Variants in GABRB3 observed in about 807,000 individuals in gnomAD.
The protein encoded by GABRB3 is gamma-aminobutyric acid receptor subunit beta-3.
GABRB3 carries 14 observed loss-of-function variants against 52.1 expected under a neutral mutation model. The observed-to-expected ratio is 0.27, with a 90% CI of 0.18 to 0.42. GABRB3 has a LOEUF of 0.42. GABRB3 is among the 10% of genes least tolerant of loss of function. GABRB3 has a pLI of 1.00. For missense variants in GABRB3, 307 were observed against 609.1 expected (o/e 0.50, Z 5.22); for synonymous variants, 260 against 232.3 (o/e 1.12, Z -1.08).
Position 26,738,339 on chromosome 15 carries a change from C to T in GABRB3, c.240+34063G>A, listed in dbSNP as rs186320892. Among the ~76,000 whole-genome samples, 301 of 152,182 alleles carry T rather than the reference C, an allele frequency of 2.0e-3. 2 individuals carry two copies. The highest frequency in any genetic ancestry group is 6.6e-3 in the African/African-American group (273 of 41,506). ...CTCAGTTGATCCACCCGCCTCCGCCCCCCAAAATGCTGGGATTACAGGCAT... is the reference window on the plus strand; with the variant it reads ...CTCAGTTGATCCACCCGCCTCCGCCTCCCAAAATGCTGGGATTACAGGCAT... On this transcript the variant is annotated intron_variant, in intron 3 of 8. Transcript: ENST00000311550.
chr15:26,569,734 G>A (rs912162126), intron 6 of GABRB3, among the ~76,000 whole-genome samples: 43 of 152,162 alleles, frequency 2.8e-4, no homozygotes, highest in African/African-American at 9.9e-4. Context: ...AATGTATGCC[G>A]CTGCCACTAT....
At chr15:26,661,897 G>T (rs1004312740) in intron 3 of GABRB3, among the ~76,000 whole-genome samples, 2 of 152,054 alleles carry the variant, frequency 1.3e-5, no homozygotes, top group Non-Finnish European at 2.9e-5. Context: ...TAATATGGTT[G>T]TTATGTCTGA....
rs140923728 is a variant in GABRB3 at position 26,731,997 on chromosome 15, G to A, written c.240+40405C>T. On this transcript the variant is annotated intron_variant, in intron 3 of 8. Transcript: ENST00000311550. ...TAGCCAGATGGATGGACAGATGGAC[G>A]CGTGGACAGATGGACAGATGGTTGG... 9.1e-4 allele frequency among the ~76,000 whole-genome samples: 138 copies of A among 152,178 alleles called. 1 individual carries two copies. The highest frequency in any genetic ancestry group is 3.0e-3 in the African/African-American group (125 of 41,474).
intron 3 of GABRB3, among the ~76,000 whole-genome samples, chr15:26,709,351 C>T (rs1889210184): frequency 6.6e-6 from 1 of 152,080 alleles, no homozygotes; most frequent in Non-Finnish European, 1.5e-5. Flanking sequence ...CCCCCTACCT[C>T]CCCTCTCTTG....
At chr15:26,603,534 A>G (rs1424480717) in intron 4 of GABRB3, among the ~76,000 whole-genome samples, 1 of 152,128 alleles carries the variant, frequency 6.6e-6, no homozygotes, top group Non-Finnish European at 1.5e-5. Flanking sequence ...ACAAAATACT[A>G]GGAAACGAAA....
At chr15:26,557,844 T>C (rs1037994500) in intron 8 of GABRB3, 5 of 152,226 alleles carry the variant, frequency 3.3e-5, no homozygotes, top group African/African-American at 1.2e-4. Flanking sequence ...ATTTAATTTA[T>C]AATATACTTT....
chr15:26,643,708 A>G (rs945383368), intron 3 of GABRB3, among the ~76,000 whole-genome samples: 2 of 152,080 alleles, frequency 1.3e-5, no homozygotes, highest in Non-Finnish European at 2.9e-5. Flanking sequence ...TCTGACCTCC[A>G]AAGTGCAAAC....
intron 3 of GABRB3, among the ~76,000 whole-genome samples, chr15:26,700,203 G>A (rs555510488): frequency 1.6e-4 from 25 of 152,162 alleles, no homozygotes; most frequent in Admixed American, 4.6e-4. Context: ...AAAACTAAGG[G>A]AATGTTATGA....
At position 26,546,903 on chromosome 15, in the gene GABRB3, T is replaced by C. The variant is rs1463711665; in HGVS notation, c.*890A>G. The C allele has an allele frequency of 6.6e-6, 1 of 151,612 alleles. No individual in the cohort carries two copies. Among genetic ancestry groups the C allele is most frequent in the Non-Finnish European group, 1.5e-5 (1 of 67,954 alleles). The allele number at this position is 151,612 out of a possible 1,614,324, so 9.4% of individuals were successfully genotyped here. ...TAACCTGAGACGTCTATGCTTTCTG[T>C]TGGATATCAGGCCTAGAAATCCATA... On this transcript the variant is annotated 3_prime_UTR_variant, in exon 9 of 9. Transcript: ENST00000311550.
At chr15:26,676,222 T>G (rs1888064506) in intron 3 of GABRB3, among the ~76,000 whole-genome samples, 1 of 152,226 alleles carries the variant, frequency 6.6e-6, no homozygotes, top group Non-Finnish European at 1.5e-5. Context: ...TTCAACAGAC[T>G]TCTCTTTGTG....
intron 3 of GABRB3, among the ~76,000 whole-genome samples, chr15:26,714,584 C>T (rs565714095): frequency 6.6e-6 from 1 of 152,126 alleles, no homozygotes; most frequent in African/African-American, 2.4e-5. Context: ...GACAAATGGT[C>T]GAGTTATTTT....
Position 26,685,648 on chromosome 15 carries a change from G to A in GABRB3, c.241-64114C>T, listed in dbSNP as rs543493362. ...TTAGATTCAAGAATACTTTCAATAC[G>A]ATTATGAAACAGTTTATTCAAAATA... On this transcript the variant is annotated intron_variant, in intron 3 of 8. Coordinates refer to ENST00000311550, the MANE Select transcript of GABRB3 (RefSeq NM_000814.6). Among the ~76,000 whole-genome samples the A allele has an allele frequency of 1.2e-4, 18 of 152,132 alleles. 1 individual carries two copies. The East Asian group carries it at 2.7e-3, about 23-fold the overall frequency.
chr15:26,604,311 G>T (rs1891699578), intron 4 of GABRB3, among the ~76,000 whole-genome samples: 1 of 152,000 alleles, frequency 6.6e-6, no homozygotes, highest in Non-Finnish European at 1.5e-5. Context: ...TGGATTGGAA[G>T]AATCATTATT....
chr15:26,745,623 C>A (rs1269212927), intron 3 of GABRB3, among the ~76,000 whole-genome samples: 12 of 152,200 alleles, frequency 7.9e-5, no homozygotes, highest in Admixed American at 7.2e-4. Flanking sequence ...TTTACCCACA[C>A]CCCTCCTCCA....
chr15:26,669,894 T>C (rs1416676584), intron 3 of GABRB3, among the ~76,000 whole-genome samples: 1 of 152,216 alleles, frequency 6.6e-6, no homozygotes, highest in African/African-American at 2.4e-5. Flanking sequence ...TGATTCCCTT[T>C]CTCAGGATTG....
chr15:26,694,182 GA>G (rs890103932), intron 3 of GABRB3, among the ~76,000 whole-genome samples: 59 of 152,218 alleles, frequency 3.9e-4, no homozygotes, highest in African/African-American at 1.4e-3. Flanking sequence ...TATCTGCAAG[GA>G]TAACTACTTT....
chr15:26,615,423 T>C lies in GABRB3; in HGVS notation c.461+5891A>G, dbSNP rs994770171. The C allele has an allele frequency of 3.0e-6, 3 of 986,150 alleles. No homozygotes were observed. In the African/African-American group the frequency reaches 5.2e-5, roughly 17 times the overall value. The allele number at this position is 986,150 out of a possible 1,614,324, so 61.1% of individuals were successfully genotyped here. On this transcript the variant is annotated intron_variant, in intron 4 of 8. Coordinates refer to ENST00000311550, the MANE Select transcript of GABRB3 (RefSeq NM_000814.6). ...CCGTCATATTCAGCTGAGCTCAAGC[T>C]GGTAAGAAGAGCAAGCTAGTGTTAC...
intron 4 of GABRB3, among the ~76,000 whole-genome samples, chr15:26,593,748 T>C (rs1328346802): frequency 6.6e-6 from 1 of 152,090 alleles, no homozygotes; most frequent in East Asian, 1.9e-4. Context: ...TTCTACCTTT[T>C]GGCTACTATG....
intron 3 of GABRB3, among the ~76,000 whole-genome samples, chr15:26,678,995 C>T (rs1888154986): frequency 6.6e-6 from 1 of 152,062 alleles, no homozygotes; most frequent in Admixed American, 6.5e-5. Flanking sequence ...CTGCAAAGAC[C>T]CACAGGGCAG....
Sources: allele counts gnomAD v4.1 joint callset (sites outside exome capture counted in the v4.1 genomes callset), GRCh38; gene constraint gnomAD v4.1.1; transcripts MANE v1.5; gene names NCBI Gene and HGNC (gene_info 2026-07-23, HGNC 2026-07-21).